Variants in NCOA3 observed in about 807,000 individuals in gnomAD.
The protein encoded by NCOA3 is CBP-interacting protein.
A neutral mutation model predicts 158.8 loss-of-function variants in NCOA3; 51 were observed. The observed-to-expected ratio is 0.32, with a 90% CI of 0.26 to 0.41. NCOA3 has a LOEUF of 0.41. NCOA3 is among the 10% of genes least tolerant of loss of function. The pLI, the probability that NCOA3 is intolerant of heterozygous loss-of-function variation, is 1.00. For missense variants in NCOA3, 1,510 were observed against 1,746.6 expected (o/e 0.86, Z 2.41); for synonymous variants, 537 against 592.4 (o/e 0.91, Z 1.36).
At chr20:47,528,803 C>T (rs1300233941) in intron 1 of NCOA3, among the ~76,000 whole-genome samples, 5 of 152,066 alleles carry the variant, frequency 3.3e-5, no homozygotes, top group African/African-American at 7.2e-5. Context: ...AACGGAGTTT[C>T]GCTTTTGTTG....
intron 2 of NCOA3, among the ~76,000 whole-genome samples, chr20:47,609,157 AGTTT>A (rs1244935242): frequency 3.3e-5 from 5 of 152,210 alleles, no homozygotes; most frequent in Non-Finnish European, 5.9e-5. Flanking sequence ...TCTACTTACT[AGTTT>A]GTTAATTCCT....
At chr20:47,520,843 T>C (rs2084319733) in intron 1 of NCOA3, among the ~76,000 whole-genome samples, 1 of 152,228 alleles carries the variant, frequency 6.6e-6, no homozygotes, top group East Asian at 1.9e-4. Context: ...CTCTTAGCGT[T>C]GGTGTGCTGG....
In NCOA3 at chr20:47,635,685, A is replaced by G. The variant is rs1192639014; in HGVS notation, c.1476A>G (p.Ile492Met). 6.2e-7 allele frequency: 1 copy of G among 1,614,010 alleles called. No individual in the cohort carries two copies. Among genetic ancestry groups the G allele is most frequent in the Non-Finnish European group, 8.5e-7 (1 of 1,179,988 alleles). ...CTCGTAATCGTGGGAGTCCAAAGAT[A>G]GCCTCACATCAGTTTTCTCCTGTTG... ...ISPRNRGSPK[I>M]ASHQFSPVAG... The change falls in exon 11 of 23, where the codon ATA becomes ATG. Residue 492 changes from isoleucine to methionine, a missense_variant. By Grantham distance (10) the Ile-to-Met change is conservative. Transcript: ENST00000371998.
intron 1 of NCOA3, among the ~76,000 whole-genome samples, chr20:47,509,961 T>C (rs139770760): frequency 0.011 from 1,709 of 152,286 alleles, 12 homozygotes; most frequent in Non-Finnish European, 0.017. Flanking sequence ...TGACTACATA[T>C]AGGAAAATCT....
At chr20:47,630,115 C>CT (rs1898905219) in intron 8 of NCOA3, among the ~76,000 whole-genome samples, 1 of 152,138 alleles carries the variant, frequency 6.6e-6, no homozygotes, top group African/African-American at 2.4e-5. Flanking sequence ...TGGCCCAGGG[C>CT]TAAACTCAGG....
In NCOA3 at chr20:47,635,396, G is replaced by A. The variant is rs1190233814; in HGVS notation, c.1187G>A (p.Ser396Asn). 3.1e-6 allele frequency: 5 copies of A among 1,614,094 alleles called. No homozygotes were observed. Among genetic ancestry groups the A allele is most frequent in the Non-Finnish European group, 4.2e-6 (5 of 1,180,038 alleles). Residue 396 changes from serine (S) to asparagine (N), a missense_variant, in exon 11 of 23, where the codon AGT becomes AAT. By Grantham distance (46) the Ser-to-Asn change is conservative. Transcript: ENST00000371998. ...AGACCACCTATGGCTGGATGCAACA[G>A]TTCGGTAGGCGGCATGAGTATGTCG... ...GIRPPMAGCN[S>N]SVGGMSMSPN... is the part of the protein sequence containing the mutation.
rs1419485814 is a variant in NCOA3, at chr20:47,636,580, A to G, written c.2194A>G (p.Lys732Glu). ...GCAGGAGCAGCTAAGTCCTAAGAAG[A>G]AGGAGAATAATGCACTTCTTAGATA... Reference protein sequence around the residue: ...VKQEQLSPKKKENNALLRYLL... With the variant: ...VKQEQLSPKKEENNALLRYLL... Residue 732 changes from lysine (K) to glutamate (E), a missense_variant, in exon 12 of 23, where the codon AAG becomes GAG. Around this residue, in one of 4 missense-constraint regions of NCOA3, gnomAD observed 1,017 missense variants for 1,098.3 expected, o/e 0.93. Transcript: ENST00000371998. The G allele has an allele frequency of 6.2e-7, 1 of 1,614,174 alleles. No individual in the cohort carries two copies. The highest frequency in any genetic ancestry group is 1.3e-5 in the African/African-American group (1 of 75,042).
chr20:47,552,359 G>A (rs1234952730), intron 1 of NCOA3, among the ~76,000 whole-genome samples: 1 of 152,076 alleles, frequency 6.6e-6, no homozygotes, highest in Non-Finnish European at 1.5e-5. Flanking sequence ...ATGCAGCAGC[G>A]TAATTTTACT....
chr20:47,514,383 C>CTTG (rs1196442798), intron 1 of NCOA3, among the ~76,000 whole-genome samples: 1 of 151,968 alleles, frequency 6.6e-6, no homozygotes, highest in Non-Finnish European at 1.5e-5. Context: ...CAAAAATAAA[C>CTTG]TTGTAACAAA....
chr20:47,608,396 G>A (rs1472094707), intron 2 of NCOA3, among the ~76,000 whole-genome samples: 1 of 152,070 alleles, frequency 6.6e-6, no homozygotes, highest in African/African-American at 2.4e-5. Flanking sequence ...CCAACACTTT[G>A]TGAGGCCGAG....
At chr20:47,561,769 T>C (rs2085110495) in intron 1 of NCOA3, among the ~76,000 whole-genome samples, 1 of 152,160 alleles carries the variant, frequency 6.6e-6, no homozygotes, top group Non-Finnish European at 1.5e-5. Flanking sequence ...TGCTGACACA[T>C]CATCACCTAG....
intron 18 of NCOA3, among the ~76,000 whole-genome samples, chr20:47,647,834 A>G (rs901626387): frequency 6.7e-6 from 1 of 149,892 alleles, no homozygotes; most frequent in African/African-American, 2.5e-5. Context: ...TTAAAATTCA[A>G]TTGTTTTTAT....
At chr20:47,620,594 C>T (rs1007955229) in intron 2 of NCOA3, among the ~76,000 whole-genome samples, 5 of 152,128 alleles carry the variant, frequency 3.3e-5, no homozygotes, top group South Asian at 4.1e-4. Flanking sequence ...TGTCCCCATT[C>T]CCAGGTTTAT....
intron 1 of NCOA3, among the ~76,000 whole-genome samples, chr20:47,555,083 A>G (rs2084981662): frequency 6.6e-6 from 1 of 152,242 alleles, no homozygotes; most frequent in Admixed American, 6.5e-5. Context: ...TCTTTGACAA[A>G]GCTGACAAAA....
In NCOA3 at chr20:47,620,275, T is replaced by TA. The variant is rs547608548; in HGVS notation, c.-19-1953dup. Reference sequence around the variant, plus strand: ...TAGGTGTGCACCATGATGCCTGGCTTATTTTTAAAAAAATTTTGTAGAGAC... The same window carrying TA: ...TAGGTGTGCACCATGATGCCTGGCTTAATTTTTAAAAAAATTTTGTAGAGAC... On this transcript the variant is annotated intron_variant, in intron 2 of 22. Transcript: ENST00000371998. 2.2e-3 allele frequency among the ~76,000 whole-genome samples: 333 copies of TA among 152,086 alleles called. 1 individual carries two copies. Among genetic ancestry groups the TA allele is most frequent in the African/African-American group, 7.6e-3 (315 of 41,382 alleles).
chr20:47,542,675 A>G (rs1223927835), intron 1 of NCOA3, among the ~76,000 whole-genome samples: 17 of 152,042 alleles, frequency 1.1e-4, no homozygotes, highest in Admixed American at 1.1e-3. Context: ...CTCTCTCTAA[A>G]AATTGGCCAG....
chr20:47,559,056 C>G (rs758347504), intron 1 of NCOA3, among the ~76,000 whole-genome samples: 2 of 152,198 alleles, frequency 1.3e-5, no homozygotes, highest in South Asian at 4.2e-4. Context: ...TTTTCCATAG[C>G]ATCCATAATC....
intron 1 of NCOA3, among the ~76,000 whole-genome samples, chr20:47,517,445 CTTTTTCTTTTTTT>C (rs1461554661): frequency 0.013 from 1,794 of 142,230 alleles, 38 homozygotes; most frequent in African/African-American, 0.048. Flanking sequence ...TTTCTTTTTT[CTTTTTCTTTTTTT>C]TTTTTTTTTT....
intron 2 of NCOA3, among the ~76,000 whole-genome samples, chr20:47,597,979 C>T (rs962961897): frequency 2.0e-5 from 3 of 151,764 alleles, no homozygotes; most frequent in Non-Finnish European, 4.4e-5. Flanking sequence ...GGCGTGGTGG[C>T]TCACGCCTGT....
Sources: gnomAD v4.1 joint callset for allele counts (sites outside exome capture counted in the v4.1 genomes callset) on GRCh38, gnomAD v4.1.1 for gene constraint, gnomAD v4.1.1 regional missense constraint, MANE v1.5 for transcripts, NCBI Gene and HGNC (gene_info 2026-07-23, HGNC 2026-07-21) for gene names.